The following NAALADL2 variants were observed in gnomAD, a reference collection of about 807,000 sequenced individuals.
The protein encoded by NAALADL2 is inactive N-acetylated-alpha-linked acidic dipeptidase-like protein 2.
In NAALADL2, 76 loss-of-function variants were observed where a neutral mutation model predicts 87.2. The ratio of observed to expected loss-of-function variants is 0.87; its 90% CI spans 0.72 to 1.05. The LOEUF is 1.05. NAALADL2 is among the 50% of genes least tolerant of loss of function. NAALADL2 has a pLI of 0.00. For synonymous variants in NAALADL2, 354 were observed against 331.0 expected (o/e 1.07, Z -0.75); for missense variants, 1,089 against 945.8 (o/e 1.15, Z -1.99).
chr3:174,807,671 C>A (rs910056536), intron 3 of NAALADL2, among the ~76,000 whole-genome samples: 1 of 151,846 alleles, frequency 6.6e-6, no homozygotes, highest in East Asian at 1.9e-4. Flanking sequence ...TTATTTCTTT[C>A]CCTTGTTTTC....
chr3:174,503,378 T>C (rs569242171), intron 1 of NAALADL2, among the ~76,000 whole-genome samples: 80 of 152,318 alleles, frequency 5.3e-4, no homozygotes, highest in African/African-American at 1.9e-3. Context: ...CATCTTATTA[T>C]GCTTATGCCA....
At chr3:175,234,858 T>C (rs995211534) in intron 3 of NAALADL2, 1 of 152,242 alleles carries the variant, frequency 6.6e-6, no homozygotes, top group Admixed American at 6.6e-5. Context: ...CTCATCTCTG[T>C]ATTGGAGTCA....
rs527936637 is a variant in NAALADL2 at position 175,424,477 on chromosome 3, G to A, written c.1091-22752G>A. 3.3e-5 allele frequency among the ~76,000 whole-genome samples: 5 copies of A among 152,224 alleles called. No homozygotes were observed. In the South Asian group the frequency reaches 1.0e-3, roughly 32 times the overall value. On this transcript the variant is annotated intron_variant, in intron 5 of 13. Transcript: ENST00000454872. ...GATCCAGTTTCAGCTTTCTACATATGGCTAGCCAGTTTTCCCAGCACCATT... is the reference window on the plus strand; with the variant it reads ...GATCCAGTTTCAGCTTTCTACATATAGCTAGCCAGTTTTCCCAGCACCATT...
chr3:174,906,329 C>T (rs986991369), intron 1 of NAALADL2, among the ~76,000 whole-genome samples: 12 of 151,968 alleles, frequency 7.9e-5, no homozygotes, highest in Admixed American at 7.9e-4. Context: ...GGTTACATAC[C>T]CTTTGGAATA....
chr3:175,714,531 T>C (rs573595057), intron 11 of NAALADL2, among the ~76,000 whole-genome samples: 2 of 152,330 alleles, frequency 1.3e-5, no homozygotes, highest in East Asian at 3.9e-4. Context: ...ATGTCTTCTT[T>C]TGAGAAGTGT....
chr3:174,749,613 T>A (rs1187845666), intron 3 of NAALADL2, among the ~76,000 whole-genome samples: 1 of 152,200 alleles, frequency 6.6e-6, no homozygotes, highest in Non-Finnish European at 1.5e-5. Context: ...ATATGGGTTT[T>A]GTACTTTTCC....
chr3:174,861,647 A>G (rs998806837), intron 1 of NAALADL2, among the ~76,000 whole-genome samples: 1 of 152,108 alleles, frequency 6.6e-6, no homozygotes, highest in African/African-American at 2.4e-5. Context: ...GTAGATTATC[A>G]TTGGAACTCC....
At chr3:175,499,890 G>A (rs1329225886) in intron 9 of NAALADL2, among the ~76,000 whole-genome samples, 1 of 152,026 alleles carries the variant, frequency 6.6e-6, no homozygotes, top group Non-Finnish European at 1.5e-5. Context: ...CTATGGGTCT[G>A]AGTAGAGTCT....
intron 11 of NAALADL2, among the ~76,000 whole-genome samples, chr3:175,671,572 A>G (rs1320367831): frequency 6.6e-6 from 1 of 152,058 alleles, no homozygotes; most frequent in Non-Finnish European, 1.5e-5. Context: ...TAAAAATCAT[A>G]GGTGAGCCTA....
At chr3:175,524,550 C>T (rs754191641) in intron 9 of NAALADL2, among the ~76,000 whole-genome samples, 184 of 152,146 alleles carry the variant, frequency 1.2e-3, no homozygotes, top group Non-Finnish European at 1.3e-3. Flanking sequence ...ATTTCTCTTC[C>T]TTATATAGTT....
chr3:174,729,373 G>A (rs2108977198), intron 2 of NAALADL2, among the ~76,000 whole-genome samples: 1 of 152,096 alleles, frequency 6.6e-6, no homozygotes, highest in South Asian at 2.1e-4. Flanking sequence ...ACTGAGACAT[G>A]GTGAGACTAA....
Position 174,952,650 on chromosome 3 carries a change from T to C in NAALADL2, c.43+93200T>C, listed in dbSNP as rs145295457. ...TGAAACATGGTAATGGGAAGACACG[T>C]AAGGAGGTTGCTGACGTGGTTGTGT... On this transcript the variant is annotated intron_variant, in intron 1 of 13. Coordinates refer to ENST00000454872, the MANE Select transcript of NAALADL2 (RefSeq NM_207015.3). 3.0e-3 allele frequency among the ~76,000 whole-genome samples: 453 copies of C among 152,182 alleles called. 5 individuals are homozygous for C. Among genetic ancestry groups the C allele is most frequent in the African/African-American group, 0.01 (432 of 41,550 alleles).
chr3:175,213,935 A>G (rs1329983422), intron 2 of NAALADL2, among the ~76,000 whole-genome samples: 1 of 152,144 alleles, frequency 6.6e-6, no homozygotes, highest in Non-Finnish European at 1.5e-5. Flanking sequence ...TGTGGACTGT[A>G]AGAGGGAACT....
intron 1 of NAALADL2, among the ~76,000 whole-genome samples, chr3:174,544,138 A>C (rs1722511580): frequency 6.6e-6 from 1 of 152,132 alleles, no homozygotes; most frequent in Non-Finnish European, 1.5e-5. Context: ...AACCATTTCC[A>C]ACTGTTCCAG....
At chr3:174,716,027 T>C (rs943243858) in intron 2 of NAALADL2, among the ~76,000 whole-genome samples, 4 of 152,202 alleles carry the variant, frequency 2.6e-5, no homozygotes, top group African/African-American at 9.6e-5. Flanking sequence ...GCATCTTACT[T>C]TCAATAGTTT....
intron 1 of NAALADL2, among the ~76,000 whole-genome samples, chr3:174,540,919 A>G (rs1312997747): frequency 1.3e-5 from 2 of 152,174 alleles, no homozygotes; most frequent in Non-Finnish European, 2.9e-5. Context: ...TTATCTTAAT[A>G]GCTACTGCGC....
At chr3:174,749,516 A>AAC (rs748089753) in intron 3 of NAALADL2, among the ~76,000 whole-genome samples, 1 of 150,550 alleles carries the variant, frequency 6.6e-6, no homozygotes, top group Non-Finnish European at 1.5e-5. Flanking sequence ...AAAAAAAAAA[A>AAC]CAGCAAAAAA....
chr3:175,586,789 A>G (rs1318498455), intron 10 of NAALADL2, among the ~76,000 whole-genome samples: 1 of 152,226 alleles, frequency 6.6e-6, no homozygotes, highest in Non-Finnish European at 1.5e-5. Flanking sequence ...TGACTCAGGT[A>G]TATATAATTA....
intron 2 of NAALADL2, among the ~76,000 whole-genome samples, chr3:175,146,770 C>T (rs947608423): frequency 7.9e-5 from 12 of 151,972 alleles, no homozygotes; most frequent in African/African-American, 2.7e-4. Context: ...TTTTGCCTTC[C>T]ATGTGTGAAA....
Sources: gnomAD v4.1 joint callset for allele counts (sites outside exome capture counted in the v4.1 genomes callset) on GRCh38, gnomAD v4.1.1 for gene constraint, MANE v1.5 for transcripts, NCBI Gene and HGNC (gene_info 2026-07-23, HGNC 2026-07-21) for gene names.